CCDC180: variants seen among roughly 807,000 people sequenced by gnomAD.
CCDC180 encodes coiled-coil domain-containing protein 180.
A neutral mutation model predicts 209.2 loss-of-function variants in CCDC180; 154 were observed. The ratio of observed to expected loss-of-function variants is 0.74; its 90% CI spans 0.65 to 0.84. CCDC180 has a LOEUF of 0.84. Ranked by LOEUF, CCDC180 falls within the 40% of genes least tolerant of loss-of-function variation. The probability of loss-of-function intolerance (pLI) is 0.00; values close to 1 mark genes in which losing one functional copy is unlikely to be tolerated. For synonymous variants in CCDC180, 778 were observed against 749.1 expected (o/e 1.04, Z -0.63); for missense variants, 1,874 against 1,997.3 (o/e 0.94, Z 1.18).
At position 97,354,713 on chromosome 9, in the gene CCDC180, G is replaced by C; in HGVS notation, c.3147G>C (p.Gln1049His). The C allele has an allele frequency of 6.2e-7, 1 of 1,614,220 alleles. No individual in the cohort carries two copies. The highest frequency in any genetic ancestry group is 8.5e-7 in the Non-Finnish European group (1 of 1,180,042). ...AGTTGGAGAATGAGTACCTGGACCA[G>C]GTAGGGCCCCCAGCCAGGCCCCAGG... ...MEKLENEYLDQANDVINKFES... is the reference protein window; with the variant it reads ...MEKLENEYLDHANDVINKFES... The change falls in exon 23 of 37, where the codon CAG (glutamine) becomes CAC (histidine). Residue 1049 changes from glutamine (Q) to histidine (H), a missense_variant and splice_region_variant. Coordinates refer to ENST00000529487, the MANE Select transcript of CCDC180 (RefSeq NM_020893.6).
chr9:97,320,051 C>A, intron 10 of CCDC180, 75 bp from the exon 11 acceptor site: 1 of 1,115,442 alleles, frequency 9.0e-7, no homozygotes, highest in Non-Finnish European at 1.4e-6. Context: ...AGCTATGTTC[C>A]TTGAAGATGC....
intron 16 of CCDC180, among the ~76,000 whole-genome samples, chr9:97,329,652 G>A (rs977124819): frequency 6.6e-6 from 1 of 152,100 alleles, no homozygotes; most frequent in Non-Finnish European, 1.5e-5. Context: ...GGGTTTGCTA[G>A]CCTTCTTGGA....
At chr9:97,330,824 G>C (rs1434592999) in intron 18 of CCDC180, 57 bp downstream of exon 18, 1 of 1,515,238 alleles carries the variant, frequency 6.6e-7, no homozygotes, top group Non-Finnish European at 8.9e-7. Context: ...TGCTCATTTT[G>C]TGTTTATCCC....
At chr9:97,321,161 A>C (rs541748930) in intron 11 of CCDC180, among the ~76,000 whole-genome samples, 1 of 152,322 alleles carries the variant, frequency 6.6e-6, no homozygotes, top group East Asian at 1.9e-4. Flanking sequence ...TTTAAGGTAG[A>C]CTAGGCTAAG....
intron 18 of CCDC180, among the ~76,000 whole-genome samples, chr9:97,333,507 T>TTG (rs59316097): frequency 0.24 from 27,779 of 114,864 alleles, 4,589 homozygotes; most frequent in African/African-American, 0.39. Flanking sequence ...GTTTGGGTTT[T>TTG]TTTTTTTTTT....
At chr9:97,337,406 A>G (rs951877932) in intron 18 of CCDC180, among the ~76,000 whole-genome samples, 1 of 152,198 alleles carries the variant, frequency 6.6e-6, no homozygotes, top group African/African-American at 2.4e-5. Context: ...CCTTTTCTGC[A>G]TCTATTGAGA....
chr9:97,340,962 C>G (rs931070277), intron 18 of CCDC180, among the ~76,000 whole-genome samples: 7 of 152,220 alleles, frequency 4.6e-5, no homozygotes, highest in Non-Finnish European at 1.0e-4. Flanking sequence ...CATGTTCCAT[C>G]CTGTACACCT....
chr9:97,321,885 G>A lies in CCDC180; in HGVS notation c.1160-948G>A, dbSNP rs545969284. Among the ~76,000 whole-genome samples, 30 of 152,290 alleles carry A rather than the reference G, an allele frequency of 2.0e-4. No homozygotes were observed. The East Asian group carries it at 4.6e-3, about 23-fold the overall frequency. On this transcript the variant is annotated intron_variant, in intron 11 of 36. Transcript: ENST00000529487. ...GCAGGGATACAGTGTACAGGGCCCCGGAGGCAAGACAGGGCTGGGGCCTTT... is the reference window on the plus strand; with the variant it reads ...GCAGGGATACAGTGTACAGGGCCCCAGAGGCAAGACAGGGCTGGGGCCTTT...
At chr9:97,340,180 C>G (rs1222447171) in intron 18 of CCDC180, among the ~76,000 whole-genome samples, 1 of 152,212 alleles carries the variant, frequency 6.6e-6, no homozygotes, top group Non-Finnish European at 1.5e-5. Flanking sequence ...CAAAGTCATT[C>G]TCCATCCTGC....
Position 97,330,156 on chromosome 9 carries a change from C to T in CCDC180, c.1791C>T (p.Asn597=). 6.2e-7 allele frequency: 1 copy of T among 1,603,066 alleles called. No homozygotes were observed. The highest frequency in any genetic ancestry group is 8.5e-7 in the Non-Finnish European group (1 of 1,174,080). The change falls in exon 17 of 37, where the codon AAC becomes AAT. Residue 597 remains asparagine, a splice_region_variant and synonymous_variant. Coordinates refer to ENST00000529487, the MANE Select transcript of CCDC180 (RefSeq NM_020893.6). The part of the protein sequence containing the change: ...YFFVREIFEQ[N]LAGEVIFKFR... The stretch of plus-strand genomic sequence containing the variant: ...TGACTCTTGGTTTTTCCTTGTAGAA[C>T]TTGGCTGGAGAAGTCATTTTCAAAT...
intron 14 of CCDC180, among the ~76,000 whole-genome samples, chr9:97,325,633 A>C (rs547760584): frequency 3.9e-5 from 6 of 152,228 alleles, no homozygotes; most frequent in Non-Finnish European, 8.8e-5. Flanking sequence ...TTCCATGGGA[A>C]GTCTAATAAA....
chr9:97,374,528 G>A lies in CCDC180; in HGVS notation c.4601-15G>A, dbSNP rs1026439392. The A allele has an allele frequency of 6.2e-7, 1 of 1,604,606 alleles. No individual in the cohort carries two copies. Among genetic ancestry groups the A allele is most frequent in the Non-Finnish European group, 8.5e-7 (1 of 1,172,108 alleles). On this transcript the variant is annotated splice_polypyrimidine_tract_variant and intron_variant, in intron 34 of 36. Coordinates refer to ENST00000529487, the MANE Select transcript of CCDC180 (RefSeq NM_020893.6). ...TCGGTGAGGCTGCAGTCACTAGCCTGTCTTTTGCCTCTAGGGATGGAGCCC... is the reference window on the plus strand; with the variant it reads ...TCGGTGAGGCTGCAGTCACTAGCCTATCTTTTGCCTCTAGGGATGGAGCCC...
At chr9:97,327,915 A>G in intron 15 of CCDC180, 105 bp from the exon 16 acceptor site, 1 of 1,235,890 alleles carries the variant, frequency 8.1e-7, no homozygotes. Flanking sequence ...GAGCAGCCAC[A>G]CAGCAGCTCT....
chr9:97,329,152 G>T (rs1424636421), intron 16 of CCDC180, among the ~76,000 whole-genome samples: 1 of 152,224 alleles, frequency 6.6e-6, no homozygotes, highest in East Asian at 1.9e-4. Context: ...GCTAATAGCT[G>T]CTCCCTGTGC....
intron 22 of CCDC180, among the ~76,000 whole-genome samples, chr9:97,351,089 G>A (rs1419243506): frequency 2.0e-5 from 3 of 152,038 alleles, no homozygotes; most frequent in Non-Finnish European, 4.4e-5. Context: ...CCATCTTTTG[G>A]CTATTGTGAA....
chr9:97,349,032 G>A, intron 20 of CCDC180, 79 bp from the exon 21 acceptor site: 4 of 1,338,138 alleles, frequency 3.0e-6, no homozygotes, highest in Non-Finnish European at 4.0e-6. Context: ...AGAGGCAGCA[G>A]GCGGGCCTTG....
At chr9:97,321,444 C>A (rs1833356331) in intron 11 of CCDC180, among the ~76,000 whole-genome samples, 1 of 152,190 alleles carries the variant, frequency 6.6e-6, no homozygotes, top group Non-Finnish European at 1.5e-5. Context: ...GGTGAAGTAT[C>A]CTGCCCAAGG....
At chr9:97,342,287 G>C (rs1431575116) in intron 18 of CCDC180, among the ~76,000 whole-genome samples, 1 of 152,178 alleles carries the variant, frequency 6.6e-6, no homozygotes, top group African/African-American at 2.4e-5. Flanking sequence ...GACCGGAGCT[G>C]TTCCTATTTG....
At chr9:97,363,435 C>G (rs577280584) in intron 28 of CCDC180, 147 of 304,762 alleles carry the variant, frequency 4.8e-4, no homozygotes, top group Non-Finnish European at 7.9e-4. Flanking sequence ...GGTTGCTGCA[C>G]ATCATGGGGC....
Sources: allele counts gnomAD v4.1 joint callset (sites outside exome capture counted in the v4.1 genomes callset), GRCh38; gene constraint gnomAD v4.1.1; transcripts MANE v1.5; gene names NCBI Gene and HGNC (gene_info 2026-07-23, HGNC 2026-07-21).